The following FOCAD variants were observed in gnomAD, a reference collection of about 807,000 sequenced individuals.
The protein encoded by FOCAD is focadhesin.
FOCAD carries 198 observed loss-of-function variants against 225.6 expected under a neutral mutation model. The observed-to-expected ratio is 0.88, with a 90% CI of 0.78 to 0.99. FOCAD has a LOEUF of 0.99. Ranked by LOEUF, FOCAD falls within the 50% of genes least tolerant of loss-of-function variation. The pLI, the probability that FOCAD is intolerant of heterozygous loss-of-function variation, is 0.00. For synonymous variants in FOCAD, 897 were observed against 755.0 expected, an observed-to-expected ratio of 1.19 and a Z score of -3.08; for missense variants, 2,713 against 2,123.6, an observed-to-expected ratio of 1.28 and a Z score of -5.46.
rs1841194184 is a variant in FOCAD, at chr9:20,986,579, T to G, written c.4906+114T>G. On this transcript the variant is annotated intron_variant, in intron 40 of 43. Coordinates refer to ENST00000338382, the MANE Select transcript of FOCAD (RefSeq NM_001375567.1). ...TTAGTTTAGTGCTTATTGACACAGG[T>G]TAGGCCTTCTGGTGCCAAATGAGGA... 18 of 915,138 alleles carry G rather than the reference T, an allele frequency of 2.0e-5. No individual in the cohort carries two copies. The South Asian group carries it at 3.4e-4, about 18-fold the overall frequency. The allele number at this position is 915,138 out of a possible 1,614,324, so 56.7% of individuals were successfully genotyped here.
At chr9:20,995,280 A>T (rs1199634760) in intron 43 of FOCAD, among the ~76,000 whole-genome samples, 2 of 152,108 alleles carry the variant, frequency 1.3e-5, no homozygotes, top group Non-Finnish European at 2.9e-5. Flanking sequence ...TCATCAAGGA[A>T]AAAAACATCA....
chr9:20,761,413 C>G (rs529858367), intron 6 of FOCAD, among the ~76,000 whole-genome samples: 1 of 151,594 alleles, frequency 6.6e-6, no homozygotes, highest in African/African-American at 2.4e-5. Flanking sequence ...CTAAAGCCTC[C>G]GTTATTTTTA....
At chr9:20,716,869 C>G (rs1364330799) in intron 2 of FOCAD, among the ~76,000 whole-genome samples, 1 of 152,112 alleles carries the variant, frequency 6.6e-6, no homozygotes, top group African/African-American at 2.4e-5. Flanking sequence ...GACTATAAAA[C>G]CAAAATTCCG....
chr9:20,726,701 G>C (rs1826227643), intron 4 of FOCAD, among the ~76,000 whole-genome samples: 1 of 152,092 alleles, frequency 6.6e-6, no homozygotes, highest in Admixed American at 6.6e-5. Flanking sequence ...ATGATTCTGA[G>C]AATCATTTGG....
intron 22 of FOCAD, among the ~76,000 whole-genome samples, chr9:20,912,036 G>A (rs745556823): frequency 6.6e-6 from 1 of 152,048 alleles, no homozygotes; most frequent in Non-Finnish European, 1.5e-5. Context: ...TGACAATTCC[G>A]AATGCTGGTG....
intron 4 of FOCAD, among the ~76,000 whole-genome samples, chr9:20,720,915 C>T (rs74501639): frequency 0.025 from 3,788 of 152,262 alleles, 178 homozygotes; most frequent in African/African-American, 0.085. Context: ...ATTACTTGGC[C>T]AGGCCTTGGC....
At chr9:20,775,562 T>C (rs1243541699) in intron 8 of FOCAD, among the ~76,000 whole-genome samples, 2 of 152,250 alleles carry the variant, frequency 1.3e-5, no homozygotes. Flanking sequence ...TGGAGGATTG[T>C]GTGGGTTGGG....
At chr9:20,796,242 CTT>C (rs1437301260) in intron 11 of FOCAD, among the ~76,000 whole-genome samples, 5 of 152,124 alleles carry the variant, frequency 3.3e-5, no homozygotes, top group Non-Finnish European at 7.4e-5. Context: ...GGTTCCAAGT[CTT>C]TGCTGTTGTA....
intron 2 of FOCAD, among the ~76,000 whole-genome samples, chr9:20,715,780 C>A (rs1825282086): frequency 6.6e-6 from 1 of 151,900 alleles, no homozygotes; most frequent in Non-Finnish European, 1.5e-5. Flanking sequence ...GAAGACATAT[C>A]CTACCCCTTA....
chr9:20,698,510 C>A (rs751046497), intron 1 of FOCAD, among the ~76,000 whole-genome samples: 1 of 152,090 alleles, frequency 6.6e-6, no homozygotes, highest in Non-Finnish European at 1.5e-5. Context: ...AAACAGTCCT[C>A]CCACCTCAGC....
In FOCAD at chr9:20,948,329, A is replaced by G. The variant is rs200825871; in HGVS notation, c.3734A>G (p.His1245Arg). 1 of 1,612,648 alleles carries G rather than the reference A, an allele frequency of 6.2e-7. No individual in the cohort carries two copies. Among genetic ancestry groups the G allele is most frequent in the Non-Finnish European group, 8.5e-7 (1 of 1,179,052 alleles). The change falls in exon 31 of 44, where the codon CAT (histidine) becomes CGT (arginine). Residue 1245 changes from histidine to arginine, a missense_variant. His to Arg is a conservative substitution (Grantham distance 29, BLOSUM62 0). Transcript: ENST00000338382. ...GTTCATGGATTGTCTGTGTGTGGAC[A>G]TGGAAAAGCTGAAGACTTGGGCAGC... ...NIVHGLSVCGHGKAEDLGSKL... is the reference protein window; with the variant it reads ...NIVHGLSVCGRGKAEDLGSKL...
chr9:20,966,055 A>G (rs536903098), intron 35 of FOCAD, among the ~76,000 whole-genome samples: 1 of 152,268 alleles, frequency 6.6e-6, no homozygotes, highest in South Asian at 2.1e-4. Flanking sequence ...TATATCTAGA[A>G]GTGGAATTGC....
chr9:20,775,202 G>A (rs1169220545), intron 8 of FOCAD, among the ~76,000 whole-genome samples: 4 of 152,024 alleles, frequency 2.6e-5, no homozygotes, highest in South Asian at 2.1e-4. Context: ...TTGTGGATTC[G>A]GTCTTAGTTG....
chr9:20,940,539 G>A (rs982467976), intron 28 of FOCAD, among the ~76,000 whole-genome samples: 1 of 151,988 alleles, frequency 6.6e-6, no homozygotes, highest in Non-Finnish European at 1.5e-5. Flanking sequence ...CCCAACCCTG[G>A]CCTCCCAAAG....
chr9:20,920,706 C>T (rs539681460), intron 24 of FOCAD, among the ~76,000 whole-genome samples: 6 of 151,680 alleles, frequency 4.0e-5, no homozygotes, highest in South Asian at 4.2e-4. Context: ...AGTAAACTAT[C>T]GCAAGGTCAA....
chr9:20,773,373 C>A (rs1281236565), intron 8 of FOCAD, among the ~76,000 whole-genome samples: 1 of 152,150 alleles, frequency 6.6e-6, no homozygotes, highest in East Asian at 1.9e-4. Context: ...CATGCCTGGG[C>A]CTTATCCCTA....
At chr9:20,746,268 G>T (rs1999570) in intron 5 of FOCAD, among the ~76,000 whole-genome samples, 99,784 of 151,942 alleles carry the variant, frequency 0.66, 33,113 homozygotes, top group Non-Finnish European at 0.7. Flanking sequence ...GTGTTTCAGA[G>T]GAAGGAAAAG....
chr9:20,791,272 G>A (rs1454785820), intron 11 of FOCAD, among the ~76,000 whole-genome samples: 1 of 140,954 alleles, frequency 7.1e-6, no homozygotes, highest in East Asian at 2.0e-4. Context: ...CAGGAAATTT[G>A]ATCCAGCATG....
chr9:20,749,569 A>T (rs1312625832), intron 5 of FOCAD, among the ~76,000 whole-genome samples: 1 of 152,192 alleles, frequency 6.6e-6, no homozygotes, highest in African/African-American at 2.4e-5. Context: ...TTTCAAATAA[A>T]AATTCAGAGC....
Sources: gnomAD v4.1 joint callset for allele counts (sites outside exome capture counted in the v4.1 genomes callset) on GRCh38, gnomAD v4.1.1 for gene constraint, MANE v1.5 for transcripts, NCBI Gene and HGNC (gene_info 2026-07-23, HGNC 2026-07-21) for gene names.